The following PLD3 variants were observed in gnomAD, a reference collection of about 807,000 sequenced individuals.
The protein encoded by PLD3 is 5'-3' exonuclease PLD3.
A neutral mutation model predicts 58.4 loss-of-function variants in PLD3; 31 were observed. That is an observed-to-expected ratio of 0.53 (90% CI 0.40 to 0.72). PLD3 has a LOEUF of 0.72. Among genes scored for constraint, PLD3 ranks in the 30% least tolerant of loss-of-function variants. The pLI is 0.00. For missense variants in PLD3, 595 were observed against 659.8 expected (o/e 0.90, Z 1.08); for synonymous variants, 264 against 273.4 (o/e 0.97, Z 0.34).
chr19:40,350,499 C>T (rs1388968914), intron 1 of PLD3, among the ~76,000 whole-genome samples: 4 of 152,036 alleles, frequency 2.6e-5, no homozygotes, highest in African/African-American at 9.7e-5. Flanking sequence ...AATCCAAGCA[C>T]TTTGGGAGGT....
In PLD3 at chr19:40,371,814, A is replaced by T; in HGVS notation, c.820A>T (p.Asn274Tyr). The change falls in exon 9 of 13, where the codon AAC becomes TAC. Residue 274 changes from asparagine to tyrosine, a missense_variant. Asn to Tyr is a moderately radical substitution (Grantham distance 143, BLOSUM62 -2). Coordinates refer to ENST00000409735, the MANE Select transcript of PLD3 (RefSeq NM_012268.4). Reference protein sequence around the residue: ...TWPRFYDTRYNQETPMEICLN... With the variant: ...TWPRFYDTRYYQETPMEICLN... The stretch of plus-strand genomic sequence containing the variant: ...GCCCCGGTTCTATGACACCCGCTAC[A>T]ACCAAGAGACACCAATGGAGATCTG... The T allele has an allele frequency of 6.2e-7, 1 of 1,614,090 alleles. No homozygotes were observed. Among genetic ancestry groups the T allele is most frequent in the Non-Finnish European group, 8.5e-7 (1 of 1,180,012 alleles).
At chr19:40,354,815 C>T (rs1201993578) in intron 1 of PLD3, among the ~76,000 whole-genome samples, 3 of 151,146 alleles carry the variant, frequency 2.0e-5, no homozygotes, top group South Asian at 2.1e-4. Flanking sequence ...TGTGAGCCAC[C>T]GTGCCCGGCT....
chr19:40,352,898 G>A (rs1568645960), intron 1 of PLD3, among the ~76,000 whole-genome samples: 1 of 152,174 alleles, frequency 6.6e-6, no homozygotes, highest in Non-Finnish European at 1.5e-5. Context: ...AGGAGTTCCA[G>A]GCTGCAGTGA....
chr19:40,367,733 T>A lies in PLD3; in HGVS notation c.283T>A (p.Phe95Ile). The change falls in exon 6 of 13, where the codon TTC (phenylalanine) becomes ATC (isoleucine). Residue 95 changes from phenylalanine to isoleucine, a missense_variant. Phe to Ile is a conservative substitution (Grantham distance 21, BLOSUM62 0). Coordinates refer to ENST00000409735, the MANE Select transcript of PLD3 (RefSeq NM_012268.4). ...GGAAAGCATTCCTGAGGGCCTGGAC[T>A]TCCCCAATGCCTCCACGGGGAACCC... ...LVESIPEGLD[F>I]PNASTGNPST... 1 of 1,613,702 alleles carries A rather than the reference T, an allele frequency of 6.2e-7. No homozygotes were observed. The highest frequency in any genetic ancestry group is 1.1e-5 in the South Asian group (1 of 91,072).
At position 40,366,728 on chromosome 19, in the gene PLD3, G is replaced by A. The variant is rs763858297; in HGVS notation, c.102+44G>A. ...CCTCGCTCTGTCTCAGAGACAGGCT[G>A]GGCTGCCCCCCTCGGGCTGGCTGAC... On this transcript the variant is annotated intron_variant, in intron 4 of 12. Transcript: ENST00000409735. 32 of 1,613,862 alleles carry A rather than the reference G, an allele frequency of 2.0e-5. No individual in the cohort carries two copies. The Admixed American group carries it at 4.7e-4, about 24-fold the overall frequency.
At chr19:40,360,721 G>T (rs2078761372) in intron 1 of PLD3, 1 of 152,008 alleles carries the variant, frequency 6.6e-6, no homozygotes, top group Admixed American at 6.6e-5. Flanking sequence ...AGCTTCTAGT[G>T]GCTCCAGGCA....
intron 1 of PLD3, among the ~76,000 whole-genome samples, chr19:40,360,784 C>CCTT (rs1006654044): frequency 2.0e-5 from 3 of 152,082 alleles, no homozygotes; most frequent in African/African-American, 7.2e-5. Flanking sequence ...GTTCACATGA[C>CCTT]CTTCTGCCTG....
rs558997903 is a variant in PLD3, at chr19:40,378,047, G to T, written c.1347G>T (p.Thr449=). ...TETAGTSLLV[T]QNGRGGLRSQ... is the part of the protein sequence containing the mutation. ...CGGCGGGCACCTCGCTGCTGGTGAC[G>T]CAGAATGGGAGGGGCGGCCTGCGGA... Residue 449 remains threonine, a synonymous_variant, in exon 13 of 13, where the codon ACG becomes ACT. Coordinates refer to ENST00000409735, the MANE Select transcript of PLD3 (RefSeq NM_012268.4). 1.4e-5 allele frequency: 23 copies of T among 1,613,890 alleles called. 1 individual carries two copies. In the South Asian group the frequency reaches 2.5e-4, roughly 18 times the overall value.
At chr19:40,367,012 C>A (rs561637149) in intron 5 of PLD3, 97 bp downstream of exon 5, 40 of 1,380,760 alleles carry the variant, frequency 2.9e-5, no homozygotes, top group Non-Finnish European at 9.7e-7. Flanking sequence ...CCCTACCCAG[C>A]GCTTGCGACA....
chr19:40,372,048 A>G (rs1207817436), intron 9 of PLD3, among the ~76,000 whole-genome samples, 175 bp downstream of exon 9: 2 of 152,098 alleles, frequency 1.3e-5, no homozygotes, highest in Non-Finnish European at 2.9e-5. Context: ...CTCGGCCTCT[A>G]TTTCAGTTAG....
At chr19:40,351,477 G>A (rs569827987) in intron 1 of PLD3, among the ~76,000 whole-genome samples, 232 of 151,714 alleles carry the variant, frequency 1.5e-3, no homozygotes, top group Non-Finnish European at 2.7e-3. Context: ...CCAGGGAGGC[G>A]GAGGTTGCAG....
chr19:40,367,264 T>A, intron 5 of PLD3: 1 of 272,584 alleles, frequency 3.7e-6, no homozygotes, highest in East Asian at 7.1e-5. Context: ...TTAAAAAATT[T>A]TTTTTAAAAG....
chr19:40,367,629 C>A, intron 5 of PLD3, 67 bp from the exon 6 acceptor site: 1 of 1,388,144 alleles, frequency 7.2e-7, no homozygotes, highest in Non-Finnish European at 1.0e-6. Context: ...GGACGGACAG[C>A]TGAGCACTCA....
chr19:40,361,924 C>T (rs1016951301), intron 1 of PLD3, among the ~76,000 whole-genome samples: 17 of 152,038 alleles, frequency 1.1e-4, no homozygotes, highest in African/African-American at 4.1e-4. Flanking sequence ...GCAACCTCCA[C>T]CTCCCTGGTT....
At chr19:40,350,337 T>TGCAATATGG (rs1160234313) in intron 1 of PLD3, among the ~76,000 whole-genome samples, 1 of 151,570 alleles carries the variant, frequency 6.6e-6, no homozygotes, top group East Asian at 1.9e-4. Flanking sequence ...TTACTGCATC[T>TGCAATATGG]GCAATATGGG....
chr19:40,372,080 C>T (rs1330712218), intron 9 of PLD3, among the ~76,000 whole-genome samples: 1 of 152,172 alleles, frequency 6.6e-6, no homozygotes, highest in Non-Finnish European at 1.5e-5. Flanking sequence ...TGTTTCCAAC[C>T]TGTTAGGGCT....
At chr19:40,349,231 C>T (rs969155466) in intron 1 of PLD3, among the ~76,000 whole-genome samples, 5 of 152,078 alleles carry the variant, frequency 3.3e-5, no homozygotes, top group African/African-American at 1.2e-4. Flanking sequence ...TGGCTACTGT[C>T]CCCATCGCTC....
rs565813622 is a variant in PLD3 at position 40,378,275 on chromosome 19, T to C, written c.*102T>C. The C allele has an allele frequency of 6.8e-5, 75 of 1,102,552 alleles. No individual in the cohort carries two copies. The highest frequency in any genetic ancestry group is 1.0e-4 in the Non-Finnish European group (73 of 728,614). The allele number at this position is 1,102,552 out of a possible 1,614,324, so 68.3% of individuals were successfully genotyped here. ...CGCGCCCCCGCTTCTGTCTGCCCCA[T>C]TGTGGCTCCTCAGGCTCTCTCCCCT... On this transcript the variant is annotated 3_prime_UTR_variant, in exon 13 of 13. Transcript: ENST00000409735.
intron 6 of PLD3, 55 bp from the exon 7 acceptor site, chr19:40,369,853 G>C: frequency 6.7e-7 from 1 of 1,490,878 alleles, no homozygotes; most frequent in Non-Finnish European, 9.0e-7. Flanking sequence ...GCATTACCTT[G>C]TGGGGTTGGA....
Sources: gnomAD v4.1 joint callset for allele counts (sites outside exome capture counted in the v4.1 genomes callset) on GRCh38, gnomAD v4.1.1 for gene constraint, MANE v1.5 for transcripts, NCBI Gene and HGNC (gene_info 2026-07-23, HGNC 2026-07-21) for gene names.